HS6ST3: variants seen among roughly 807,000 people sequenced by gnomAD.
HS6ST3 encodes the protein heparan sulfate 6-O-sulfotransferase 3, also known as heparan-sulfate 6-O-sulfotransferase 3.
Under a neutral mutation model 36.7 loss-of-function variants are expected in HS6ST3, and 12 were observed. The observed-to-expected ratio is 0.33, with a 90% CI of 0.21 to 0.53. The LOEUF is 0.53. Among genes scored for constraint, HS6ST3 ranks in the 20% least tolerant of loss-of-function variants. The probability of loss-of-function intolerance (pLI) is 0.95; values close to 1 mark genes in which losing one functional copy is unlikely to be tolerated. For missense variants in HS6ST3, 584 were observed against 640.9 expected, an observed-to-expected ratio of 0.91 and a Z score of 0.96; for synonymous variants, 240 against 257.5, an observed-to-expected ratio of 0.93 and a Z score of 0.65.
chr13:96,445,694 C>T lies in HS6ST3; in HGVS notation c.707+354125C>T, dbSNP rs563950699. Among the ~76,000 whole-genome samples the T allele has an allele frequency of 4.0e-5, 6 of 151,270 alleles. No individual in the cohort carries two copies. In the East Asian group the frequency reaches 1.2e-3, roughly 30 times the overall value. On this transcript the variant is annotated intron_variant, in intron 1 of 1. Transcript: ENST00000376705. ...CCAGCTTAGCCAACACGGTGAAATCCCCGTCTCTACTAAAAATACAAAAAA... is the reference window on the plus strand; with the variant it reads ...CCAGCTTAGCCAACACGGTGAAATCTCCGTCTCTACTAAAAATACAAAAAA...
At chr13:96,428,882 G>C (rs932408016) in intron 1 of HS6ST3, among the ~76,000 whole-genome samples, 1 of 152,204 alleles carries the variant, frequency 6.6e-6, no homozygotes, top group African/African-American at 2.4e-5. Flanking sequence ...TGCTCAATGG[G>C]AGAACCAAGC....
intron 1 of HS6ST3, among the ~76,000 whole-genome samples, chr13:96,610,860 A>G (rs1326946068): frequency 6.6e-6 from 1 of 151,526 alleles, no homozygotes; most frequent in Non-Finnish European, 1.5e-5. Flanking sequence ...AATGAAAAAA[A>G]AAAACAAAAA....
intron 1 of HS6ST3, among the ~76,000 whole-genome samples, chr13:96,243,017 AAAAG>A (rs1222691213): frequency 6.6e-6 from 1 of 152,234 alleles, no homozygotes; most frequent in Middle Eastern, 3.2e-3. Context: ...TATTTACAAA[AAAAG>A]AAAGAGTTGA....
chr13:96,132,546 C>G (rs1305242936), intron 1 of HS6ST3, among the ~76,000 whole-genome samples: 1 of 152,090 alleles, frequency 6.6e-6, no homozygotes, highest in Non-Finnish European at 1.5e-5. Context: ...GCTGGGACCA[C>G]AGGCGTATGC....
chr13:96,238,331 C>T (rs2054544338), intron 1 of HS6ST3, among the ~76,000 whole-genome samples: 1 of 152,180 alleles, frequency 6.6e-6, no homozygotes, highest in Non-Finnish European at 1.5e-5. Context: ...AACTAACTCT[C>T]CCTGCACCCA....
chr13:96,428,733 A>G (rs924518528), intron 1 of HS6ST3, among the ~76,000 whole-genome samples: 2 of 152,192 alleles, frequency 1.3e-5, no homozygotes, highest in African/African-American at 4.8e-5. Context: ...AAGTAAGAAC[A>G]TAGACTGAAA....
chr13:96,779,258 T>A (rs947014872), intron 1 of HS6ST3, among the ~76,000 whole-genome samples: 4 of 151,870 alleles, frequency 2.6e-5, no homozygotes, highest in African/African-American at 9.7e-5. Flanking sequence ...CCATGGCACA[T>A]GTATACCTAT....
At chr13:96,487,955 T>C (rs1001049960) in intron 1 of HS6ST3, among the ~76,000 whole-genome samples, 1 of 152,286 alleles carries the variant, frequency 6.6e-6, no homozygotes, top group Admixed American at 6.5e-5. Context: ...CCTGAGACTG[T>C]CTAGTGTGGG....
At chr13:96,658,796 C>T (rs2056636154) in intron 1 of HS6ST3, among the ~76,000 whole-genome samples, 2 of 152,130 alleles carry the variant, frequency 1.3e-5, no homozygotes, top group African/African-American at 2.4e-5. Context: ...ACCTCTGCCT[C>T]CCGGATTCAA....
Position 96,629,890 on chromosome 13 carries a change from T to C in HS6ST3, c.708-202600T>C, listed in dbSNP as rs191532507. On this transcript the variant is annotated intron_variant, in intron 1 of 1. Transcript: ENST00000376705. ...CCCCTAGAAATATCAGGTAGAGGAC[T>C]TTAAACTTTCTCAGTCTAGTTTCTC... 5.8e-4 allele frequency among the ~76,000 whole-genome samples: 89 copies of C among 152,256 alleles called. 2 individuals are homozygous for C. In the East Asian group the frequency reaches 0.013, roughly 23 times the overall value.
At chr13:96,806,460 A>G (rs529735336) in intron 1 of HS6ST3, among the ~76,000 whole-genome samples, 1 of 152,322 alleles carries the variant, frequency 6.6e-6, no homozygotes, top group Non-Finnish European at 1.5e-5. Context: ...GCCTCTGGGA[A>G]CATGTGGAAA....
chr13:96,189,574 GT>G (rs748234958), intron 1 of HS6ST3, among the ~76,000 whole-genome samples: 55 of 152,244 alleles, frequency 3.6e-4, no homozygotes, highest in Non-Finnish European at 7.8e-4. Context: ...AGCATTTAGT[GT>G]CTTCTGGGGG....
intron 1 of HS6ST3, among the ~76,000 whole-genome samples, chr13:96,664,666 AAAT>A (rs2056657589): frequency 6.6e-6 from 1 of 152,124 alleles, no homozygotes; most frequent in Non-Finnish European, 1.5e-5. Context: ...TCTCTTTTGA[AAAT>A]AATTTCTGCA....
At chr13:96,820,460 G>A (rs529550841) in intron 1 of HS6ST3, among the ~76,000 whole-genome samples, 2 of 152,240 alleles carry the variant, frequency 1.3e-5, no homozygotes, top group African/African-American at 4.8e-5. Flanking sequence ...TCATGGAGAA[G>A]GGAGAACGTT....
intron 1 of HS6ST3, among the ~76,000 whole-genome samples, chr13:96,658,836 G>A (rs537770856): frequency 8.6e-5 from 13 of 152,014 alleles, no homozygotes; most frequent in Non-Finnish European, 1.9e-4. Flanking sequence ...CTCCCAACTA[G>A]CTGGGATTAC....
chr13:96,372,407 G>A (rs1309491728), intron 1 of HS6ST3, among the ~76,000 whole-genome samples: 3 of 152,068 alleles, frequency 2.0e-5, no homozygotes, highest in African/African-American at 4.8e-5. Context: ...TGGTTTGGAA[G>A]TATTTTCTTC....
chr13:96,386,101 A>C (rs1300344623), intron 1 of HS6ST3, among the ~76,000 whole-genome samples: 1 of 152,256 alleles, frequency 6.6e-6, no homozygotes, highest in African/African-American at 2.4e-5. Context: ...TAGAAAATAA[A>C]AAGAAAAAGA....
intron 1 of HS6ST3, among the ~76,000 whole-genome samples, chr13:96,394,270 A>G (rs1211708819): frequency 6.6e-6 from 1 of 150,444 alleles, no homozygotes; most frequent in Non-Finnish European, 1.5e-5. Context: ...TGCTTTAGTC[A>G]GAGACACACT....
intron 1 of HS6ST3, among the ~76,000 whole-genome samples, chr13:96,354,587 G>T (rs896712488): frequency 2.0e-5 from 3 of 151,884 alleles, no homozygotes; most frequent in African/African-American, 7.3e-5. Flanking sequence ...ATTTATGTCT[G>T]GCCCCATGAA....
Sources: allele counts gnomAD v4.1 joint callset (sites outside exome capture counted in the v4.1 genomes callset), GRCh38; gene constraint gnomAD v4.1.1; transcripts MANE v1.5; gene names NCBI Gene and HGNC (gene_info 2026-07-23, HGNC 2026-07-21).